RNF32: variants seen among roughly 807,000 people sequenced by gnomAD.
The protein encoded by RNF32 is ring finger protein 32.
A neutral mutation model predicts 41.0 loss-of-function variants in RNF32; 36 were observed. That is an observed-to-expected ratio of 0.88 (90% CI 0.67 to 1.16). The LOEUF (loss-of-function observed/expected upper bound fraction) is 1.16. RNF32 is among the 50% of genes most tolerant of loss of function. RNF32 has a pLI of 0.00. For missense variants in RNF32, 413 were observed against 436.7 expected, an observed-to-expected ratio of 0.95 and a Z score of 0.48; for synonymous variants, 154 against 160.9, an observed-to-expected ratio of 0.96 and a Z score of 0.32.
At position 156,657,696 on chromosome 7, in the gene RNF32, A is replaced by G. The variant is rs1243372686; in HGVS notation, c.450+123A>G. The stretch of plus-strand genomic sequence containing the variant: ...TATTTTATTCATCACCACCATCTAT[A>G]GTTAAAGAAACATGACTGTAGGCTG... On this transcript the variant is annotated intron_variant, in intron 5 of 8. Transcript: ENST00000317955. 4.4e-6 allele frequency: 4 copies of G among 907,378 alleles called. No individual in the cohort carries two copies. In the African/African-American group the frequency reaches 6.5e-5, roughly 15 times the overall value. The allele number at this position is 907,378 out of a possible 1,614,324, so 56.2% of individuals were successfully genotyped here.
chr7:156,645,694 G>A (rs1563067881), intron 3 of RNF32, among the ~76,000 whole-genome samples: 1 of 152,162 alleles, frequency 6.6e-6, no homozygotes, highest in Non-Finnish European at 1.5e-5. Flanking sequence ...TTGTACCAGG[G>A]TTATATAAAA....
In RNF32 at chr7:156,644,539, T is replaced by C. The variant is rs1228939442; in HGVS notation, c.56T>C (p.Val19Ala). The C allele has an allele frequency of 1.2e-6, 2 of 1,612,224 alleles. No homozygotes were observed. The highest frequency in any genetic ancestry group is 1.7e-6 in the Non-Finnish European group (2 of 1,179,386). The change falls in exon 3 of 9, where the codon GTT becomes GCT. Residue 19 changes from valine to alanine, a missense_variant. Val to Ala is a moderately conservative substitution (Grantham distance 64, BLOSUM62 0). Coordinates refer to ENST00000317955, the MANE Select transcript of RNF32 (RefSeq NM_030936.4). ...SKKDNLAVNA[V>A]ALQDHILHDL... is the part of the protein sequence containing the mutation. The stretch of plus-strand genomic sequence containing the variant: ...AAAGATAACTTGGCAGTCAATGCAG[T>C]TGCTTTACAAGATCACATTTTACAT...
At chr7:156,658,370 C>G in intron 6 of RNF32, 92 bp from the exon 7 acceptor site, 2 of 1,524,144 alleles carry the variant, frequency 1.3e-6, no homozygotes, top group Non-Finnish European at 9.0e-7. Context: ...TTCCCCAGGG[C>G]CTTGTACAGC....
chr7:156,644,665 A>T lies in RNF32; in HGVS notation c.182A>T (p.Asp61Val). ...SLKRDTKAII[D>V]TGLKKTTQCP... ...AAAAGAGATACAAAGGCAATAATAG[A>T]TACTGGACTTAAAAAAACTACACAG... The change falls in exon 3 of 9, where the codon GAT becomes GTT. Residue 61 changes from aspartate (D) to valine (V), a missense_variant. Transcript: ENST00000317955. 6.2e-7 allele frequency: 1 copy of T among 1,612,912 alleles called. No homozygotes were observed. The highest frequency in any genetic ancestry group is 8.5e-7 in the Non-Finnish European group (1 of 1,179,056).
intron 7 of RNF32, chr7:156,660,072 C>T (rs2131527070): frequency 2.0e-6 from 2 of 985,872 alleles, no homozygotes; most frequent in Middle Eastern, 1.0e-3. Context: ...TTGTTTTATC[C>T]TTGGTTCATC....
intron 3 of RNF32, 118 bp from the exon 4 acceptor site, chr7:156,654,458 G>A: frequency 1.2e-6 from 1 of 805,012 alleles, no homozygotes; most frequent in South Asian, 2.1e-5. Context: ...GTGAAATAAA[G>A]TATGTGATCT....
intron 1 of RNF32, among the ~76,000 whole-genome samples, chr7:156,641,498 C>G (rs553876610): frequency 6.6e-6 from 1 of 152,324 alleles, no homozygotes; most frequent in South Asian, 2.1e-4. Flanking sequence ...AAGGACTCAC[C>G]TGGTATTTGG....
Position 156,644,776 on chromosome 7 carries a change from T to A in RNF32, c.274+19T>A. On this transcript the variant is annotated intron_variant, in intron 3 of 8. Transcript: ENST00000317955. Reference sequence around the variant, plus strand: ...ACTTTGGGTAAGCTGACGTAGTCATTCATCTTTTGGCTTATTAGGGCTAAA... The same window carrying A: ...ACTTTGGGTAAGCTGACGTAGTCATACATCTTTTGGCTTATTAGGGCTAAA... 6.3e-7 allele frequency: 1 copy of A among 1,589,662 alleles called. No homozygotes were observed.
chr7:156,658,931 C>T, intron 7 of RNF32: 1 of 1,537,032 alleles, frequency 6.5e-7, no homozygotes, highest in East Asian at 2.4e-5. Context: ...ACATCTGCTG[C>T]ACATCTCATA....
intron 3 of RNF32, among the ~76,000 whole-genome samples, chr7:156,649,295 C>T (rs78038671): frequency 0.018 from 2,747 of 152,114 alleles, 82 homozygotes; most frequent in African/African-American, 0.063. Flanking sequence ...CATCTCACAC[C>T]ATTTAGGTCT....
chr7:156,655,240 C>T (rs1345136081), intron 4 of RNF32, among the ~76,000 whole-genome samples: 1 of 102,974 alleles, frequency 9.7e-6, no homozygotes, highest in Non-Finnish European at 2.1e-5. Flanking sequence ...CACGCGCGCG[C>T]ACACACACAC....
chr7:156,641,366 T>TA (rs1797286679), intron 1 of RNF32, among the ~76,000 whole-genome samples: 1 of 152,248 alleles, frequency 6.6e-6, no homozygotes, highest in Admixed American at 6.5e-5. Flanking sequence ...CACCAAGCTC[T>TA]GCCTCTTGAG....
intron 3 of RNF32, among the ~76,000 whole-genome samples, chr7:156,648,565 T>G (rs554810885): frequency 6.6e-6 from 1 of 152,232 alleles, no homozygotes; most frequent in Non-Finnish European, 1.5e-5. Context: ...GTAAAGTTAT[T>G]AAGGAAAATA....
Position 156,658,416 on chromosome 7 carries a change from CAT to C in RNF32, c.576-44_576-43del, listed in dbSNP as rs1189376477. ...TAACAACTACTGAAGTATTGGTTGACATAGAGTCATCATAAATTAGTCATTTT... is the reference window on the plus strand; with the variant it reads ...TAACAACTACTGAAGTATTGGTTGACAGAGTCATCATAAATTAGTCATTTT... On this transcript the variant is annotated intron_variant, in intron 6 of 8. Coordinates refer to ENST00000317955, the MANE Select transcript of RNF32 (RefSeq NM_030936.4). The C allele has an allele frequency of 4.6e-6, 7 of 1,537,400 alleles. No homozygotes were observed. The South Asian group carries it at 6.7e-5, about 15-fold the overall frequency.
chr7:156,676,314 T>G, intron 8 of RNF32, 105 bp from the exon 9 acceptor site: 1 of 1,611,530 alleles, frequency 6.2e-7, no homozygotes, highest in East Asian at 2.2e-5. Context: ...TCCGCATGTT[T>G]CGAAGACCCA....
At chr7:156,675,361 G>T (rs1803628203) in intron 7 of RNF32, among the ~76,000 whole-genome samples, 1 of 152,168 alleles carries the variant, frequency 6.6e-6, no homozygotes. Flanking sequence ...CCACTTTAGG[G>T]GTGGGGAGAG....
intron 4 of RNF32, 41 bp from the exon 5 acceptor site, chr7:156,657,500 C>T: frequency 6.2e-7 from 1 of 1,609,188 alleles, no homozygotes; most frequent in Non-Finnish European, 8.5e-7. Flanking sequence ...TGCTGCTTCT[C>T]TTTTGTAAAC....
chr7:156,641,487 G>A (rs1447347808), intron 1 of RNF32, among the ~76,000 whole-genome samples: 1 of 152,186 alleles, frequency 6.6e-6, no homozygotes, highest in Non-Finnish European at 1.5e-5. Context: ...ATTATATATT[G>A]AAGGACTCAC....
intron 1 of RNF32, 35 bp from the exon 2 acceptor site, chr7:156,643,766 G>T: frequency 1.0e-6 from 1 of 991,270 alleles, no homozygotes; most frequent in South Asian, 1.4e-5. Context: ...TCTGTGCACT[G>T]TAACTTTGAC....
Sources: gnomAD v4.1 joint callset for allele counts (sites outside exome capture counted in the v4.1 genomes callset) on GRCh38, gnomAD v4.1.1 for gene constraint, MANE v1.5 for transcripts, NCBI Gene and HGNC (gene_info 2026-07-23, HGNC 2026-07-21) for gene names.